The following ROR2 variants were observed in gnomAD, a reference collection of about 807,000 sequenced individuals.
ROR2 encodes tyrosine-protein kinase transmembrane receptor ROR2.
Under a neutral mutation model 74.9 loss-of-function variants are expected in ROR2, and 33 were observed. The observed-to-expected ratio is 0.44, with a 90% confidence interval of 0.33 to 0.59. The LOEUF is 0.59. ROR2 is among the 20% of genes least tolerant of loss of function. The probability of loss-of-function intolerance (pLI) is 0.02; values close to 1 mark genes in which losing one functional copy is unlikely to be tolerated. For synonymous variants in ROR2, 586 were observed against 558.7 expected (o/e 1.05, Z -0.69); for missense variants, 1,216 against 1,313.8 (o/e 0.93, Z 1.15).
chr9:91,788,957 G>A (rs1406578872), intron 1 of ROR2, among the ~76,000 whole-genome samples: 1 of 152,194 alleles, frequency 6.6e-6, no homozygotes, highest in East Asian at 1.9e-4. Context: ...GAGTAGAATA[G>A]TGGCCACTAA....
At position 91,724,860 on chromosome 9, in the gene ROR2, T is replaced by C. The variant is rs1198800632; in HGVS notation, c.1634A>G (p.Lys545Arg). 2.5e-6 allele frequency: 4 copies of C among 1,602,074 alleles called. No individual in the cohort carries two copies. Among genetic ancestry groups the C allele is most frequent in the Non-Finnish European group, 3.4e-6 (4 of 1,172,366 alleles). ...GAAGATCATGCTCAGGGGCTGGTCC[T>C]TGGTCACCACGCCCAGCAGGCAGAC... ...NVVCLLGVVT[K>R]DQPLSMIFSY... Residue 545 changes from lysine to arginine, a missense_variant, in exon 9 of 9, where the codon AAG (lysine) becomes AGG (arginine). Coordinates refer to ENST00000375708, the MANE Select transcript of ROR2 (RefSeq NM_004560.4).
intron 1 of ROR2, among the ~76,000 whole-genome samples, chr9:91,924,984 A>G (rs1831360067): frequency 6.6e-6 from 1 of 152,016 alleles, no homozygotes; most frequent in Non-Finnish European, 1.5e-5. Flanking sequence ...AGCTGGGATC[A>G]CAGGCACGAG....
In ROR2 at chr9:91,724,171, T is replaced by C; in HGVS notation, c.2323A>G (p.Thr775Ala). 1.2e-6 allele frequency: 2 copies of C among 1,612,436 alleles called. No individual in the cohort carries two copies. Among genetic ancestry groups the C allele is most frequent in the Non-Finnish European group, 1.7e-6 (2 of 1,180,004 alleles). Residue 775 changes from threonine (T) to alanine (A), a missense_variant, in exon 9 of 9, where the codon ACC becomes GCC. By Grantham distance (58) the Thr-to-Ala change is moderately conservative (BLOSUM62 0). Coordinates refer to ENST00000375708, the MANE Select transcript of ROR2 (RefSeq NM_004560.4). ...TTGCTCACATTGCTCACTGGGCTGG[T>C]GCTCAGGGAGCTGGTCTGCGTGGTG... ...SNTTQTSSLS[T>A]SPVSNVSNAR...
At chr9:91,826,040 A>G (rs1395729329) in intron 1 of ROR2, among the ~76,000 whole-genome samples, 1 of 152,208 alleles carries the variant, frequency 6.6e-6, no homozygotes, top group Non-Finnish European at 1.5e-5. Context: ...CGATTTGGAC[A>G]AGGAATGTCG....
intron 1 of ROR2, among the ~76,000 whole-genome samples, chr9:91,900,505 C>T (rs4347043): frequency 0.28 from 42,586 of 152,140 alleles, 6,262 homozygotes; most frequent in Admixed American, 0.44. Context: ...ACGTGGGACC[C>T]GCAGGAAACA....
At chr9:91,940,948 T>C (rs1291861598) in intron 1 of ROR2, among the ~76,000 whole-genome samples, 2 of 151,582 alleles carry the variant, frequency 1.3e-5, no homozygotes, top group African/African-American at 2.4e-5. Flanking sequence ...CCATTGTTCA[T>C]TGCACTGGCT....
intron 1 of ROR2, among the ~76,000 whole-genome samples, chr9:91,894,502 T>C (rs1211073796): frequency 1.3e-5 from 2 of 152,180 alleles, no homozygotes; most frequent in African/African-American, 4.8e-5. Context: ...GTAAGAAACA[T>C]GCTGATGTGA....
intron 1 of ROR2, among the ~76,000 whole-genome samples, chr9:91,837,592 G>A (rs1302558406): frequency 6.6e-6 from 1 of 152,156 alleles, no homozygotes; most frequent in Admixed American, 6.6e-5. Flanking sequence ...AAGGGGCTTG[G>A]GGAAGAAGGC....
intron 4 of ROR2, among the ~76,000 whole-genome samples, chr9:91,745,280 C>T (rs539269212): frequency 2.3e-4 from 35 of 151,708 alleles, no homozygotes; most frequent in African/African-American, 8.2e-4. Context: ...CATCTGCCAC[C>T]ATACCGGACT....
At chr9:91,747,645 G>A (rs1366757016) in intron 4 of ROR2, among the ~76,000 whole-genome samples, 14 of 152,210 alleles carry the variant, frequency 9.2e-5, no homozygotes, top group African/African-American at 2.4e-4. Flanking sequence ...TAAACTGGTC[G>A]AGTAAAAGAA....
chr9:91,794,851 G>A (rs959897374), intron 1 of ROR2, among the ~76,000 whole-genome samples: 2 of 152,164 alleles, frequency 1.3e-5, no homozygotes, highest in Non-Finnish European at 2.9e-5. Flanking sequence ...GCCAGGCGCA[G>A]TGGCTCATAC....
chr9:91,822,155 C>A (rs1339384078), intron 1 of ROR2, among the ~76,000 whole-genome samples: 1 of 152,214 alleles, frequency 6.6e-6, no homozygotes, highest in Non-Finnish European at 1.5e-5. Context: ...GAAATTTGAA[C>A]TGGAACCAGC....
At chr9:91,910,868 T>C (rs1477325585) in intron 1 of ROR2, among the ~76,000 whole-genome samples, 1 of 152,206 alleles carries the variant, frequency 6.6e-6, no homozygotes, top group Non-Finnish European at 1.5e-5. Context: ...TTCACCTTGT[T>C]GGCCAAGCTG....
At chr9:91,759,278 G>T (rs574030369) in intron 2 of ROR2, among the ~76,000 whole-genome samples, 1 of 152,130 alleles carries the variant, frequency 6.6e-6, no homozygotes, top group Non-Finnish European at 1.5e-5. Flanking sequence ...CAGTGGAAAC[G>T]CACCTGTCTG....
chr9:91,940,022 T>C (rs1831806469), intron 1 of ROR2, among the ~76,000 whole-genome samples: 3 of 152,220 alleles, frequency 2.0e-5, no homozygotes, highest in Admixed American at 1.3e-4. Context: ...CCCAGGTTCC[T>C]GGGCTCTGCA....
chr9:91,793,704 G>A (rs1320446734), intron 1 of ROR2, among the ~76,000 whole-genome samples: 1 of 150,102 alleles, frequency 6.7e-6, no homozygotes, highest in Non-Finnish European at 1.5e-5. Flanking sequence ...GGAGGTTGCA[G>A]TAAGCCATGA....
chr9:91,876,558 T>C (rs1473065023), intron 1 of ROR2, among the ~76,000 whole-genome samples: 1 of 151,992 alleles, frequency 6.6e-6, no homozygotes, highest in African/African-American at 2.4e-5. Context: ...ACCAGACATC[T>C]GCAGAAAGCT....
At chr9:91,753,932 C>G (rs1226731134) in intron 4 of ROR2, among the ~76,000 whole-genome samples, 2 of 152,152 alleles carry the variant, frequency 1.3e-5, no homozygotes, top group Admixed American at 6.5e-5. Flanking sequence ...TTCATTGCCT[C>G]AATAATACTG....
intron 1 of ROR2, among the ~76,000 whole-genome samples, chr9:91,907,966 T>C (rs1830861579): frequency 6.6e-6 from 1 of 152,232 alleles, no homozygotes; most frequent in Non-Finnish European, 1.5e-5. Context: ...GAAAGGTGAC[T>C]ATCTGGTCTT....
Sources: gnomAD v4.1 joint callset for allele counts (sites outside exome capture counted in the v4.1 genomes callset) on GRCh38, gnomAD v4.1.1 for gene constraint, MANE v1.5 for transcripts, NCBI Gene and HGNC (gene_info 2026-07-23, HGNC 2026-07-21) for gene names.